Variants in KIF26B observed in about 807,000 individuals in gnomAD.
KIF26B encodes the protein kinesin-like protein KIF26B.
A neutral mutation model predicts 151.2 loss-of-function variants in KIF26B; 63 were observed. That is an observed-to-expected ratio of 0.42 (90% CI 0.34 to 0.51). KIF26B has a LOEUF of 0.51. Among genes scored for constraint, KIF26B ranks in the 20% least tolerant of loss-of-function variants. KIF26B has a pLI of 0.07. For missense variants in KIF26B, 2,813 were observed against 2,913.6 expected (o/e 0.97, Z 0.79); for synonymous variants, 1,357 against 1,262.1 (o/e 1.08, Z -1.59).
At chr1:245,188,281 CAAAAAAAAAAA>C (rs10661723) in intron 2 of KIF26B, among the ~76,000 whole-genome samples, 7 of 79,498 alleles carry the variant, frequency 8.8e-5, no homozygotes, top group African/African-American at 2.9e-4. Context: ...ACTCCATCTC[CAAAAAAAAAAA>C]AAAAAAAAAA....
chr1:245,294,505 C>CAAAG (rs1370435139), intron 2 of KIF26B, among the ~76,000 whole-genome samples: 1 of 152,128 alleles, frequency 6.6e-6, no homozygotes, highest in East Asian at 1.9e-4. Context: ...CAAGACTACC[C>CAAAG]TTGAACAATG....
At chr1:245,217,618 C>A (rs1343558116) in intron 2 of KIF26B, among the ~76,000 whole-genome samples, 3 of 152,096 alleles carry the variant, frequency 2.0e-5, no homozygotes, top group Non-Finnish European at 4.4e-5. Flanking sequence ...GATCTGCTCG[C>A]CTCAGCCTCC....
At chr1:245,547,556 A>G (rs907248909) in intron 5 of KIF26B, among the ~76,000 whole-genome samples, 2 of 139,480 alleles carry the variant, frequency 1.4e-5, no homozygotes, top group Admixed American at 1.7e-4. Context: ...ACTGCACTCC[A>G]GGCTGGGCGA....
intron 4 of KIF26B, among the ~76,000 whole-genome samples, chr1:245,502,130 C>A (rs1266662344): frequency 1.3e-5 from 2 of 152,208 alleles, no homozygotes; most frequent in African/African-American, 2.4e-5. Flanking sequence ...GTGAGTGCAG[C>A]ATGATTTCTT....
At chr1:245,544,442 C>T (rs1170540944) in intron 5 of KIF26B, among the ~76,000 whole-genome samples, 6 of 152,160 alleles carry the variant, frequency 3.9e-5, no homozygotes. Context: ...ACCACTGCCC[C>T]TCAGCCTCAG....
At chr1:245,577,335 G>C (rs2043127727) in intron 5 of KIF26B, among the ~76,000 whole-genome samples, 1 of 152,190 alleles carries the variant, frequency 6.6e-6, no homozygotes, top group South Asian at 2.1e-4. Context: ...ACACAGCTAA[G>C]TCATAACAGA....
intron 9 of KIF26B, among the ~76,000 whole-genome samples, chr1:245,641,991 G>A (rs2043897045): frequency 6.6e-6 from 1 of 152,128 alleles, no homozygotes; most frequent in Non-Finnish European, 1.5e-5. Flanking sequence ...ACTGACTATT[G>A]TGTTCCCTGT....
chr1:245,202,728 CCAGCCTGGGTGACAGAGCGAG>C (rs1343492481), intron 2 of KIF26B, among the ~76,000 whole-genome samples: 1 of 146,342 alleles, frequency 6.8e-6, no homozygotes, highest in Non-Finnish European at 1.5e-5. Context: ...CTGCTGCACT[CCAGCCTGGGTGACAGAGCGAG>C]ACTCCATCTC....
intron 12 of KIF26B, among the ~76,000 whole-genome samples, chr1:245,693,166 G>A (rs2044648804): frequency 6.6e-6 from 1 of 152,170 alleles, no homozygotes; most frequent in African/African-American, 2.4e-5. Flanking sequence ...GACTGGATGG[G>A]GAAGTCTGAC....
chr1:245,584,040 T>A (rs1485889337), intron 5 of KIF26B, among the ~76,000 whole-genome samples: 2 of 152,354 alleles, frequency 1.3e-5, no homozygotes, highest in East Asian at 3.9e-4. Context: ...CCAAATCTCA[T>A]GTTCACTGTT....
intron 2 of KIF26B, among the ~76,000 whole-genome samples, chr1:245,179,987 G>C (rs1668875713): frequency 6.6e-6 from 1 of 152,164 alleles, no homozygotes; most frequent in Non-Finnish European, 1.5e-5. Flanking sequence ...GCCTGGCCAG[G>C]GACCCCACCC....
At chr1:245,196,160 C>G (rs1022221251) in intron 2 of KIF26B, among the ~76,000 whole-genome samples, 2 of 152,142 alleles carry the variant, frequency 1.3e-5, no homozygotes, top group African/African-American at 4.8e-5. Context: ...AGGAAGACCC[C>G]GTTTAACAAG....
At chr1:245,481,438 T>G (rs1032038687) in intron 4 of KIF26B, among the ~76,000 whole-genome samples, 2 of 151,936 alleles carry the variant, frequency 1.3e-5, no homozygotes, top group Non-Finnish European at 2.9e-5. Flanking sequence ...CTTCTGTGTT[T>G]GAACTGCTCC....
At chr1:245,485,430 C>A (rs1055057144) in intron 4 of KIF26B, among the ~76,000 whole-genome samples, 1 of 147,004 alleles carries the variant, frequency 6.8e-6, no homozygotes. Context: ...GTCACCCAGG[C>A]TGGAGTGCAA....
At chr1:245,664,863 A>C (rs2044196566) in intron 10 of KIF26B, among the ~76,000 whole-genome samples, 1 of 152,126 alleles carries the variant, frequency 6.6e-6, no homozygotes, top group South Asian at 2.1e-4. Context: ...CCTTCACATA[A>C]TCCAACTGCC....
chr1:245,410,024 A>C (rs1019368214), intron 3 of KIF26B, among the ~76,000 whole-genome samples: 1 of 152,242 alleles, frequency 6.6e-6, no homozygotes, highest in Non-Finnish European at 1.5e-5. Flanking sequence ...GTGACTTGCC[A>C]GGTGTGAGGG....
intron 3 of KIF26B, among the ~76,000 whole-genome samples, chr1:245,397,157 T>C (rs1013761426): frequency 2.0e-5 from 3 of 151,066 alleles, no homozygotes; most frequent in Non-Finnish European, 4.4e-5. Context: ...ATAGGAGTTT[T>C]GCCACACTGC....
intron 10 of KIF26B, among the ~76,000 whole-genome samples, chr1:245,673,165 G>T (rs1234428266): frequency 1.9e-5 from 2 of 104,372 alleles, no homozygotes; most frequent in Admixed American, 9.4e-5. Context: ...GCCATATTAG[G>T]CCCAGTCCCC....
At chr1:245,460,741 C>G (rs1302601644) in intron 4 of KIF26B, among the ~76,000 whole-genome samples, 1 of 152,184 alleles carries the variant, frequency 6.6e-6, no homozygotes, top group African/African-American at 2.4e-5. Context: ...GTGTGCATGC[C>G]CGTGTATCGG....
Sources: gnomAD v4.1 joint callset for allele counts (sites outside exome capture counted in the v4.1 genomes callset) on GRCh38, gnomAD v4.1.1 for gene constraint, MANE v1.5 for transcripts, NCBI Gene and HGNC (gene_info 2026-07-23, HGNC 2026-07-21) for gene names.